Variants in EIF4ENIF1 observed in about 807,000 individuals in gnomAD.
EIF4ENIF1 encodes eukaryotic translation initiation factor 4E nuclear import factor 1.
Under a neutral mutation model 110.5 loss-of-function variants are expected in EIF4ENIF1, and 23 were observed. The ratio of observed to expected loss-of-function variants is 0.21; its 90% CI spans 0.15 to 0.29. The LOEUF (loss-of-function observed/expected upper bound fraction) is 0.29. Among genes scored for constraint, EIF4ENIF1 ranks in the 10% least tolerant of loss-of-function variants. The pLI, the probability that EIF4ENIF1 is intolerant of heterozygous loss-of-function variation, is 1.00. For synonymous variants in EIF4ENIF1, 440 were observed against 437.0 expected (o/e 1.01, Z -0.09); for missense variants, 1,031 against 1,221.1 (o/e 0.84, Z 2.32).
chr22:31,493,239 C>T (rs1301013196), upstream of EIF4ENIF1, among the ~76,000 whole-genome samples: 2 of 152,032 alleles, frequency 1.3e-5, no homozygotes, highest in Non-Finnish European at 2.9e-5. Context: ...CCACGTTAGC[C>T]AGGATGGTCT....
upstream of EIF4ENIF1, among the ~76,000 whole-genome samples, chr22:31,491,092 T>C (rs1244899426): frequency 1.3e-5 from 2 of 152,186 alleles, no homozygotes; most frequent in African/African-American, 4.8e-5. Flanking sequence ...TTCTCATCTC[T>C]GCCACCTCCT....
chr22:31,469,991 C>G (rs2051311030), intron 3 of EIF4ENIF1, among the ~76,000 whole-genome samples: 1 of 151,802 alleles, frequency 6.6e-6, no homozygotes, highest in Non-Finnish European at 1.5e-5. Flanking sequence ...TGGTGAAACC[C>G]CGTCTCTACT....
chr22:31,469,591 A>C (rs769398291), intron 3 of EIF4ENIF1, among the ~76,000 whole-genome samples: 4 of 152,218 alleles, frequency 2.6e-5, no homozygotes, highest in Non-Finnish European at 5.9e-5. Flanking sequence ...TAGTTCTCAG[A>C]GAGGTGAAAG....
intron 2 of EIF4ENIF1, among the ~76,000 whole-genome samples, chr22:31,482,519 T>TAAA (rs1027074197): frequency 1.3e-5 from 2 of 151,800 alleles, no homozygotes; most frequent in Non-Finnish European, 2.9e-5. Flanking sequence ...CCGTTTCTAA[T>TAAA]AAAAATACAA....
At chr22:31,485,142 C>T (rs568577014) in intron 2 of EIF4ENIF1, among the ~76,000 whole-genome samples, 78 of 152,278 alleles carry the variant, frequency 5.1e-4, no homozygotes, top group African/African-American at 1.8e-3. Context: ...AAACACTATC[C>T]TAAAATTGTC....
chr22:31,449,435 T>C lies in EIF4ENIF1; in HGVS notation c.1681A>G (p.Arg561Gly), dbSNP rs1476054083. The change falls in exon 12 of 19, where the codon AGA becomes GGA. Residue 561 changes from arginine to glycine, a missense_variant. Physicochemically the swap from Arg to Gly is moderately radical, Grantham distance 125 (BLOSUM62 -2). This residue lies in a region of EIF4ENIF1 where 704 missense variants were observed against 879.7 expected (regional missense o/e 0.80). Coordinates refer to ENST00000330125, the MANE Select transcript of EIF4ENIF1 (RefSeq NM_019843.4). Reference sequence around the variant, plus strand: ...TGTGACAAGGGAGGAGAGGGTGCTCTTTGGCCCAGTAAAGATGTTGTAGGC... The same window carrying C: ...TGTGACAAGGGAGGAGAGGGTGCTCCTTGGCCCAGTAAAGATGTTGTAGGC... ...LEPTTSLLGQRAPSPPLSQVF... is the reference protein window; with the variant it reads ...LEPTTSLLGQGAPSPPLSQVF... The C allele has an allele frequency of 2.5e-6, 4 of 1,614,048 alleles. No individual in the cohort carries two copies. The highest frequency in any genetic ancestry group is 1.7e-6 in the Non-Finnish European group (2 of 1,180,042).
rs1456076117 is a variant in EIF4ENIF1, at chr22:31,464,691, AAAAAAAAAATAT to A, written c.299-736_299-725del. Among the ~76,000 whole-genome samples the A allele has an allele frequency of 4.6e-3, 229 of 49,722 alleles. 1 individual carries two copies. Among genetic ancestry groups the A allele is most frequent in the East Asian group, 0.042 (95 of 2,280 alleles). 32.6% of individuals were successfully genotyped at this position (49,722 alleles called of 152,430 possible). A position where few individuals can be genotyped will look rare whatever the true frequency, so the allele number is the denominator to read the frequency against. On this transcript the variant is annotated intron_variant, in intron 4 of 18. Transcript: ENST00000330125. ...ATTCAGTCTCAAAAAAAAAAAAAAAAAAAAAAAAATATATATATATATATATATATATATAAA... is the reference window on the plus strand; with the variant it reads ...ATTCAGTCTCAAAAAAAAAAAAAAAAATATATATATATATATATATATAAA...
rs150606415 is a variant in EIF4ENIF1, at chr22:31,468,584, G to A, written c.171-282C>T. ...TAATTTTTGTATTTTTAGTAGAGAT[G>A]GGGTTTCACCAGTTGGCCAGGCCAG... On this transcript the variant is annotated intron_variant, in intron 3 of 18. Transcript: ENST00000330125. Among the ~76,000 whole-genome samples, 73 of 152,190 alleles carry A rather than the reference G, an allele frequency of 4.8e-4. No individual in the cohort carries two copies. The Middle Eastern group carries it at 0.01, about 21-fold the overall frequency.
intron 4 of EIF4ENIF1, among the ~76,000 whole-genome samples, chr22:31,467,107 G>C (rs1601615223): frequency 6.6e-6 from 1 of 152,146 alleles, no homozygotes; most frequent in Non-Finnish European, 1.5e-5. Context: ...CCCATATATG[G>C]ATACACCGAA....
chr22:31,441,550 G>GAAAAAAAAAAAAAAAAAAAAAAAAAA (rs771597260), intron 17 of EIF4ENIF1, among the ~76,000 whole-genome samples: 21 of 65,256 alleles, frequency 3.2e-4, no homozygotes, highest in African/African-American at 1.1e-3. Context: ...CTACAAAAAG[G>GAAAAAAAAAAAAAAAAAAAAAAAAAA]AAAAAAAAAA....
At position 31,441,945 on chromosome 22, in the gene EIF4ENIF1, T is replaced by G; in HGVS notation, c.2380A>C (p.Thr794Pro). ...RPKATGRKTP[T>P]LASPVPTTPF... ...GTTGTAGGAACTGGGGATGCCAAGGTGGGTGTTTTTCTCCCAGTTGCTTTA... is the reference window on the plus strand; with the variant it reads ...GTTGTAGGAACTGGGGATGCCAAGGGGGGTGTTTTTCTCCCAGTTGCTTTA... The change falls in exon 17 of 19, where the codon ACC becomes CCC. Residue 794 changes from threonine to proline, a missense_variant. Transcript: ENST00000330125. 6.2e-7 allele frequency: 1 copy of G among 1,614,066 alleles called. No individual in the cohort carries two copies. Among genetic ancestry groups the G allele is most frequent in the East Asian group, 2.2e-5 (1 of 44,872 alleles).
intron 4 of EIF4ENIF1, among the ~76,000 whole-genome samples, chr22:31,466,517 G>C (rs903916742): frequency 4.6e-5 from 7 of 151,878 alleles, no homozygotes; most frequent in African/African-American, 1.7e-4. Context: ...GGGAGGCAGA[G>C]GTTGCAGTAA....
At chr22:31,472,521 G>A (rs113341141) in intron 2 of EIF4ENIF1, among the ~76,000 whole-genome samples, 5 of 152,174 alleles carry the variant, frequency 3.3e-5, no homozygotes, top group Middle Eastern at 3.4e-3. Flanking sequence ...TGCCCGCCTC[G>A]GCCTCCCAAA....
intron 2 of EIF4ENIF1, among the ~76,000 whole-genome samples, chr22:31,481,919 C>T (rs756312222): frequency 4.6e-5 from 7 of 152,074 alleles, no homozygotes; most frequent in Admixed American, 2.0e-4. Flanking sequence ...CCTGGAATTC[C>T]AGCACTTTAG....
chr22:31,456,739 C>T lies in EIF4ENIF1; in HGVS notation c.964-752G>A, dbSNP rs1032931686. Among the ~76,000 whole-genome samples, 5 of 152,122 alleles carry T rather than the reference C, an allele frequency of 3.3e-5. No homozygotes were observed. The South Asian group carries it at 6.2e-4, about 19-fold the overall frequency. On this transcript the variant is annotated intron_variant, in intron 7 of 18. Transcript: ENST00000330125. ...TTTACCATGTTGGCCAGGCTTGTCTCGAACTTCTGACCTCAAATGATCCAC... is the reference window on the plus strand; with the variant it reads ...TTTACCATGTTGGCCAGGCTTGTCTTGAACTTCTGACCTCAAATGATCCAC...
At chr22:31,442,694 A>C (rs146420206) in intron 16 of EIF4ENIF1, among the ~76,000 whole-genome samples, 50 of 152,332 alleles carry the variant, frequency 3.3e-4, no homozygotes, top group African/African-American at 9.6e-4. Context: ...TTTGAAGCCT[A>C]ACTAAGGATT....
intron 17 of EIF4ENIF1, 62 bp from the exon 18 acceptor site, chr22:31,440,930 T>A: frequency 6.3e-7 from 1 of 1,589,780 alleles, no homozygotes; most frequent in South Asian, 1.1e-5. Context: ...TTTTCCAGCT[T>A]CACTGTACAG....
intron 5 of EIF4ENIF1, 129 bp from the exon 6 acceptor site, chr22:31,463,262 C>T (rs2145986952): frequency 2.5e-6 from 2 of 813,486 alleles, no homozygotes; most frequent in Non-Finnish European, 3.8e-6. Context: ...CCCATCACCA[C>T]CCCCACCCCT....
At chr22:31,463,334 A>T (rs569803286) in intron 5 of EIF4ENIF1, among the ~76,000 whole-genome samples, 7 of 152,136 alleles carry the variant, frequency 4.6e-5, no homozygotes, top group East Asian at 1.9e-4. Flanking sequence ...AACCTGGTAT[A>T]AAAAAAGTGA....
Sources: gnomAD v4.1 joint callset for allele counts (sites outside exome capture counted in the v4.1 genomes callset) on GRCh38, gnomAD v4.1.1 for gene constraint, gnomAD v4.1.1 regional missense constraint, MANE v1.5 for transcripts, NCBI Gene and HGNC (gene_info 2026-07-23, HGNC 2026-07-21) for gene names.